CFAP251: variants seen among roughly 807,000 people sequenced by gnomAD.
CFAP251 encodes the protein cilia and flagella associated protein 251.
CFAP251 carries 93 observed loss-of-function variants against 126.7 expected under a neutral mutation model. The observed-to-expected ratio is 0.73, with a 90% CI of 0.62 to 0.87. CFAP251 has a LOEUF of 0.87. CFAP251 is among the 40% of genes least tolerant of loss of function. CFAP251 has a pLI of 0.00. For synonymous variants in CFAP251, 503 were observed against 506.9 expected, an observed-to-expected ratio of 0.99 and a Z score of 0.10; for missense variants, 1,287 against 1,389.2, an observed-to-expected ratio of 0.93 and a Z score of 1.17.
intron 11 of CFAP251, 73 bp from the exon 12 acceptor site, chr12:121,958,199 T>C (rs1881795099): frequency 6.3e-7 from 1 of 1,575,654 alleles, no homozygotes; most frequent in Non-Finnish European, 8.6e-7. Flanking sequence ...TTATGTGCAA[T>C]TAGAAGCAGA....
At chr12:121,922,782 CTCTTTTCTTTTCTTTTT>C (rs1476181582) in intron 2 of CFAP251, among the ~76,000 whole-genome samples, 1 of 106,010 alleles carries the variant, frequency 9.4e-6, no homozygotes, top group Non-Finnish European at 2.0e-5. Context: ...CTTTTCTTTT[CTCTTTTCTTTTCTTTTT>C]TCTTTTTTGA....
intron 5 of CFAP251, among the ~76,000 whole-genome samples, chr12:121,936,576 C>T (rs533172106): frequency 6.6e-6 from 1 of 152,274 alleles, no homozygotes; most frequent in African/African-American, 2.4e-5. Context: ...GCTGAACACG[C>T]CACCTTGTGT....
intron 1 of CFAP251, among the ~76,000 whole-genome samples, chr12:121,919,315 T>C (rs1430452207): frequency 6.6e-6 from 1 of 152,080 alleles, no homozygotes; most frequent in Admixed American, 6.6e-5. Flanking sequence ...TTGTTCGGGG[T>C]CCAACTCTTT....
chr12:121,951,394 G>A lies in CFAP251; in HGVS notation c.1270-86G>A, dbSNP rs552779245. ...TGCAAATTTCTGACCTTGTTTAGAT[G>A]TATTTGTTTTGCTTTTATTATTAAT... On this transcript the variant is annotated intron_variant, in intron 8 of 21. Coordinates refer to ENST00000288912, the MANE Select transcript of CFAP251 (RefSeq NM_144668.6). 17 of 874,566 alleles carry A rather than the reference G, an allele frequency of 1.9e-5. No homozygotes were observed. In the African/African-American group the frequency reaches 2.1e-4, roughly 11 times the overall value. The allele number at this position is 874,566 out of a possible 1,614,324, so 54.2% of individuals were successfully genotyped here.
At chr12:121,992,907 G>C (rs562742728) in intron 19 of CFAP251, among the ~76,000 whole-genome samples, 1 of 152,154 alleles carries the variant, frequency 6.6e-6, no homozygotes, top group East Asian at 1.9e-4. Flanking sequence ...TACATGTATT[G>C]TAATTAGCAA....
chr12:121,996,568 G>T (rs1020532421), intron 19 of CFAP251, among the ~76,000 whole-genome samples: 1 of 152,132 alleles, frequency 6.6e-6, no homozygotes, highest in Admixed American at 6.5e-5. Flanking sequence ...AACTGGCCCC[G>T]CATTTCCACT....
chr12:121,993,822 GC>G (rs1882948418), intron 19 of CFAP251, among the ~76,000 whole-genome samples: 3 of 134,270 alleles, frequency 2.2e-5, no homozygotes, highest in African/African-American at 8.2e-5. Context: ...CGCCCGGCCA[GC>G]CGCCCCGTCC....
chr12:121,935,134 T>C (rs1157896027), intron 5 of CFAP251, among the ~76,000 whole-genome samples: 1 of 152,184 alleles, frequency 6.6e-6, no homozygotes, highest in Non-Finnish European at 1.5e-5. Flanking sequence ...TTGTATTATA[T>C]TTTTGTAGAG....
chr12:121,959,297 C>T, intron 13 of CFAP251: 1 of 512,518 alleles, frequency 2.0e-6, no homozygotes, highest in Non-Finnish European at 3.3e-6. Context: ...AAAAATTAGC[C>T]AGGCCTTGTG....
rs1880316901 is a variant in CFAP251, at chr12:121,924,321, G to A, written c.747+331G>A. 2.6e-5 allele frequency among the ~76,000 whole-genome samples: 4 copies of A among 151,736 alleles called. 1 individual carries two copies. Among genetic ancestry groups the A allele is most frequent in the African/African-American group, 9.7e-5 (4 of 41,298 alleles). Reference sequence around the variant, plus strand: ...GATGGCGTCTCGCCACGCCATGTTGGCCAGGTTGGTCTTGAACTCCTGACC... The same window carrying A: ...GATGGCGTCTCGCCACGCCATGTTGACCAGGTTGGTCTTGAACTCCTGACC... On this transcript the variant is annotated intron_variant, in intron 3 of 21. Transcript: ENST00000288912.
chr12:121,933,048 A>G (rs1247707427), intron 4 of CFAP251: 1 of 152,320 alleles, frequency 6.6e-6, no homozygotes, highest in East Asian at 1.9e-4. Context: ...GTTTCACAGT[A>G]TAGGTCTGTA....
At chr12:121,979,392 T>G (rs1247580781) in intron 19 of CFAP251, among the ~76,000 whole-genome samples, 1 of 151,976 alleles carries the variant, frequency 6.6e-6, no homozygotes, top group Non-Finnish European at 1.5e-5. Context: ...ATCGGAGCAT[T>G]TACTGACTAT....
chr12:121,923,573 G>C, intron 2 of CFAP251, 49 bp from the exon 3 acceptor site: 1 of 1,546,136 alleles, frequency 6.5e-7, no homozygotes, highest in Non-Finnish European at 8.7e-7. Flanking sequence ...GTGAATAAAT[G>C]GTGAGTAGCA....
intron 12 of CFAP251, 135 bp downstream of exon 12, chr12:121,958,657 C>G: frequency 7.2e-7 from 1 of 1,391,518 alleles, no homozygotes; most frequent in Middle Eastern, 2.1e-4. Flanking sequence ...CGCCTTCTCT[C>G]TGGGGCTCCC....
chr12:121,975,544 G>T lies in CFAP251; in HGVS notation c.2865G>T (p.Glu955Asp). The T allele has an allele frequency of 6.2e-7, 1 of 1,608,982 alleles. No individual in the cohort carries two copies. The highest frequency in any genetic ancestry group is 1.1e-5 in the South Asian group (1 of 89,658). ...GTTTCCGTTGTATTCCTACATAGGA[G>T]CTAGAAGACTACTTCTACTATTCTC... Reference protein sequence around the residue: ...SGGREGKFYRELEDYFYYSQL... With the variant: ...SGGREGKFYRDLEDYFYYSQL... Residue 955 changes from glutamate (E) to aspartate (D), a missense_variant and splice_region_variant, in exon 19 of 22, where the codon GAG (glutamate) becomes GAT (aspartate). Physicochemically the swap from Glu to Asp is conservative, Grantham distance 45. Transcript: ENST00000288912.
At chr12:121,958,175 A>T in intron 11 of CFAP251, 97 bp from the exon 12 acceptor site, 1 of 1,510,950 alleles carries the variant, frequency 6.6e-7, no homozygotes, top group Non-Finnish European at 8.9e-7. Flanking sequence ...TAAATTACAG[A>T]CGACAGAGGC....
chr12:121,922,872 C>T (rs959677998), intron 2 of CFAP251, among the ~76,000 whole-genome samples: 3 of 152,202 alleles, frequency 2.0e-5, no homozygotes, highest in African/African-American at 7.2e-5. Flanking sequence ...TCACTGCAAG[C>T]TCCGCCTCCT....
Position 121,934,248 on chromosome 12 carries a change from G to A in CFAP251, c.890G>A (p.Gly297Asp). The change falls in exon 5 of 22, where the codon GGC becomes GAC. Residue 297 changes from glycine to aspartate, a missense_variant and splice_region_variant. Coordinates refer to ENST00000288912, the MANE Select transcript of CFAP251 (RefSeq NM_144668.6). Reference sequence around the variant, plus strand: ...AGCGTTTTCTCTCCATTTCCATAGGGCCACGCCAATATTATCTCCTGCCTC... The same window carrying A: ...AGCGTTTTCTCTCCATTTCCATAGGACCACGCCAATATTATCTCCTGCCTC... ...VFRNNQYHLQ[G>D]HANIISCLCV... 6.2e-7 allele frequency: 1 copy of A among 1,613,180 alleles called. No homozygotes were observed. The highest frequency in any genetic ancestry group is 8.5e-7 in the Non-Finnish European group (1 of 1,179,620).
intron 20 of CFAP251, 23 bp from the exon 21 acceptor site, chr12:122,001,474 C>CCTTCTCACT (rs1279604345): frequency 8.2e-6 from 13 of 1,593,966 alleles, no homozygotes; most frequent in Non-Finnish European, 1.1e-5. Context: ...TAAACAATCA[C>CCTTCTCACT]CTTCTCACTC....
Sources: gnomAD v4.1 joint callset for allele counts (sites outside exome capture counted in the v4.1 genomes callset) on GRCh38, gnomAD v4.1.1 for gene constraint, MANE v1.5 for transcripts, NCBI Gene and HGNC (gene_info 2026-07-23, HGNC 2026-07-21) for gene names.